The following SGCD variants were observed in gnomAD, a reference collection of about 807,000 sequenced individuals.
SGCD encodes the protein sarcoglycan delta, also known as delta-sarcoglycan.
SGCD carries 18 observed loss-of-function variants against 36.6 expected under a neutral mutation model. The ratio of observed to expected loss-of-function variants is 0.49; its 90% CI spans 0.34 to 0.73. SGCD has a LOEUF of 0.73. SGCD is among the 30% of genes least tolerant of loss of function. SGCD has a pLI of 0.01. For synonymous variants in SGCD, 133 were observed against 130.6 expected (o/e 1.02, Z -0.12); for missense variants, 387 against 346.7 (o/e 1.12, Z -0.92).
intron 3 of SGCD, among the ~76,000 whole-genome samples, chr5:156,409,378 G>A (rs981530326): frequency 3.3e-5 from 5 of 152,146 alleles, no homozygotes; most frequent in Non-Finnish European, 7.3e-5. Context: ...TGTCCTAAAG[G>A]AGGGCTTCCT....
intron 3 of SGCD, among the ~76,000 whole-genome samples, chr5:156,251,976 T>C (rs1765591838): frequency 6.6e-6 from 1 of 152,230 alleles, no homozygotes; most frequent in African/African-American, 2.4e-5. Flanking sequence ...TAAGCTTAAC[T>C]ATAAACTTAA....
At chr5:156,279,380 C>G (rs547394989) in intron 3 of SGCD, among the ~76,000 whole-genome samples, 2 of 152,100 alleles carry the variant, frequency 1.3e-5, no homozygotes. Context: ...CATGTGTTAG[C>G]AAGCCTAACA....
intron 1 of SGCD, among the ~76,000 whole-genome samples, chr5:156,030,379 G>A (rs1375291821): frequency 6.6e-6 from 1 of 152,146 alleles, no homozygotes; most frequent in African/African-American, 2.4e-5. Context: ...GAGACCCATA[G>A]TCATAGGGGA....
At chr5:156,433,944 A>G (rs1051400064) in intron 3 of SGCD, among the ~76,000 whole-genome samples, 1 of 152,200 alleles carries the variant, frequency 6.6e-6, no homozygotes, top group Non-Finnish European at 1.5e-5. Flanking sequence ...AGCTGCTTAC[A>G]TAGCTAAAAC....
intron 3 of SGCD, chr5:156,393,735 G>GT (rs765681469): frequency 1.4e-4 from 63 of 456,088 alleles, no homozygotes; most frequent in South Asian, 2.2e-4. Flanking sequence ...CTGTCTTACT[G>GT]CAATGTTTGA....
chr5:156,203,331 A>G (rs1214007949), intron 3 of SGCD, among the ~76,000 whole-genome samples: 1 of 152,162 alleles, frequency 6.6e-6, no homozygotes, highest in Non-Finnish European at 1.5e-5. Context: ...TGAAGACCAC[A>G]ACATAACAGT....
At chr5:155,734,623 T>C in the SGCD span, among the ~76,000 whole-genome samples, 6 of 152,220 alleles carry the variant, frequency 3.9e-5, no homozygotes, top group African/African-American at 1.2e-4. Flanking sequence ...TAAGACACTG[T>C]TGTATATGAA....
intron 1 of SGCD, among the ~76,000 whole-genome samples, chr5:156,021,413 G>T (rs982774825): frequency 1.3e-5 from 2 of 152,152 alleles, no homozygotes; most frequent in Non-Finnish European, 2.9e-5. Flanking sequence ...TCATCTACTT[G>T]GGAAGTTAAG....
chr5:156,357,242 G>A (rs540330948), intron 3 of SGCD, among the ~76,000 whole-genome samples: 1 of 152,162 alleles, frequency 6.6e-6, no homozygotes, highest in African/African-American at 2.4e-5. Flanking sequence ...CCCTGTGAAT[G>A]GGGACTATTA....
chr5:156,565,793 A>G (rs1759456629), intron 4 of SGCD, among the ~76,000 whole-genome samples: 1 of 151,710 alleles, frequency 6.6e-6, no homozygotes, highest in African/African-American at 2.4e-5. Flanking sequence ...GAGAACATGC[A>G]GTGTTTGGTT....
chr5:155,996,906 T>TAGATAGATAGATAGATAGACAGAC (rs1472624095), intron 1 of SGCD, among the ~76,000 whole-genome samples: 4 of 142,026 alleles, frequency 2.8e-5, no homozygotes, highest in Non-Finnish European at 4.7e-5. Flanking sequence ...GATAGATAGA[T>TAGATAGATAGATAGATAGACAGAC]AGACAGACAG....
At chr5:156,659,191 TC>T (rs1763799507) in intron 7 of SGCD, among the ~76,000 whole-genome samples, 1 of 55,620 alleles carries the variant, frequency 1.8e-5, no homozygotes, top group African/African-American at 8.2e-5. Flanking sequence ...GATTGTGAAT[TC>T]CACAATCTTG....
chr5:156,162,485 C>T lies in SGCD; in HGVS notation c.-44+38466C>T, dbSNP rs116710275. ...TCTCCATTGAGCAAGTGGTCAAGGA[C>T]CAGGGAACCAGGTAGGGCTGAATAA... On this transcript the variant is annotated intron_variant, in intron 3 of 9. Transcript: ENST00000517913. Among the ~76,000 whole-genome samples the T allele has an allele frequency of 9.3e-3, 1,406 of 151,630 alleles. 65 individuals are homozygous for T. Among genetic ancestry groups the T allele is most frequent in the African/African-American group, 0.033 (1,352 of 40,944 alleles).
At chr5:156,208,676 T>A (rs1170189193) in intron 3 of SGCD, among the ~76,000 whole-genome samples, 1 of 152,228 alleles carries the variant, frequency 6.6e-6, no homozygotes, top group Non-Finnish European at 1.5e-5. Flanking sequence ...ATATGATACT[T>A]ATTGTGTTTG....
chr5:156,253,580 C>T (rs938684023), intron 3 of SGCD, among the ~76,000 whole-genome samples: 8 of 152,106 alleles, frequency 5.3e-5, no homozygotes, highest in African/African-American at 1.7e-4. Context: ...TTCCTATCGC[C>T]GTATAACTTC....
chr5:156,482,534 G>C (rs1348421702), intron 3 of SGCD, among the ~76,000 whole-genome samples: 1 of 152,092 alleles, frequency 6.6e-6, no homozygotes, highest in East Asian at 1.9e-4. Flanking sequence ...CAAAAATAGG[G>C]ACAGTAATGG....
intron 7 of SGCD, among the ~76,000 whole-genome samples, chr5:156,703,226 C>T (rs2113734143): frequency 6.6e-6 from 1 of 152,124 alleles, no homozygotes; most frequent in South Asian, 2.1e-4. Flanking sequence ...AGGATGAAAT[C>T]TTAGATTCTT....
chr5:155,832,984 C>T, the SGCD span, among the ~76,000 whole-genome samples: 1,970 of 145,664 alleles, frequency 0.014, 56 homozygotes, highest in African/African-American at 0.047. Context: ...GAGGCTGAGG[C>T]GGATCACGAG....
chr5:156,195,154 G>C (rs576584850), intron 3 of SGCD, among the ~76,000 whole-genome samples: 2 of 152,250 alleles, frequency 1.3e-5, no homozygotes, highest in Admixed American at 1.3e-4. Context: ...TTAACTAGTT[G>C]ATTAATATCT....
Sources: allele counts gnomAD v4.1 joint callset (sites outside exome capture counted in the v4.1 genomes callset), GRCh38; gene constraint gnomAD v4.1.1; transcripts MANE v1.5; gene names NCBI Gene and HGNC (gene_info 2026-07-23, HGNC 2026-07-21).